Variants in SMPD3 observed in about 807,000 individuals in gnomAD.
SMPD3 encodes sphingomyelin phosphodiesterase 3.
Under a neutral mutation model 55.7 loss-of-function variants are expected in SMPD3, and 21 were observed. The ratio of observed to expected loss-of-function variants is 0.38; its 90% CI spans 0.27 to 0.54. The LOEUF (loss-of-function observed/expected upper bound fraction) is 0.54, where lower values mean the gene tolerates loss of function less well. Ranked by LOEUF, SMPD3 falls within the 20% of genes least tolerant of loss-of-function variation. The pLI, the probability that SMPD3 is intolerant of heterozygous loss-of-function variation, is 0.80. For missense variants in SMPD3, 842 were observed against 899.6 expected, an observed-to-expected ratio of 0.94 and a Z score of 0.82; for synonymous variants, 457 against 404.3, an observed-to-expected ratio of 1.13 and a Z score of -1.56.
At chr16:68,427,075 C>T (rs1300945820) in intron 1 of SMPD3, among the ~76,000 whole-genome samples, 1 of 148,808 alleles carries the variant, frequency 6.7e-6, no homozygotes, top group African/African-American at 2.5e-5. Flanking sequence ...CGGCTCACTG[C>T]AACCTCCACC....
At chr16:68,430,481 C>T (rs910634992) in intron 1 of SMPD3, among the ~76,000 whole-genome samples, 2 of 152,200 alleles carry the variant, frequency 1.3e-5, no homozygotes, top group African/African-American at 4.8e-5. Flanking sequence ...TATTTTGGGT[C>T]AAGTCCACAT....
intron 1 of SMPD3, among the ~76,000 whole-genome samples, chr16:68,405,180 G>T (rs1310957534): frequency 1.3e-5 from 2 of 152,106 alleles, no homozygotes; most frequent in African/African-American, 2.4e-5. Context: ...ACTCATGGCT[G>T]CTCTGTATCT....
intron 1 of SMPD3, among the ~76,000 whole-genome samples, chr16:68,415,946 C>T (rs564636090): frequency 1.9e-4 from 29 of 152,068 alleles, no homozygotes; most frequent in East Asian, 5.8e-4. Context: ...ATGTGTCCAA[C>T]GGCCTGATTT....
At chr16:68,396,813 A>G (rs117687853) in intron 1 of SMPD3, among the ~76,000 whole-genome samples, 3 of 152,350 alleles carry the variant, frequency 2.0e-5, no homozygotes, top group Non-Finnish European at 4.4e-5. Context: ...ACAAAAGAAA[A>G]CAAAACGAAA....
chr16:68,390,425 C>T (rs1362883980), intron 1 of SMPD3, among the ~76,000 whole-genome samples: 1 of 152,164 alleles, frequency 6.6e-6, no homozygotes, highest in African/African-American at 2.4e-5. Flanking sequence ...ACTTTGGAGG[C>T]TTAGGCAGGC....
intron 1 of SMPD3, among the ~76,000 whole-genome samples, chr16:68,428,157 C>T (rs115899052): frequency 2.6e-5 from 4 of 152,262 alleles, no homozygotes; most frequent in Admixed American, 1.3e-4. Flanking sequence ...ATCATGGAGA[C>T]AAACTCACTT....
intron 1 of SMPD3, among the ~76,000 whole-genome samples, chr16:68,440,220 C>T (rs1010017906): frequency 5.3e-5 from 8 of 152,082 alleles, no homozygotes; most frequent in Admixed American, 2.6e-4. Context: ...TTTTTTGAGA[C>T]GGTCTCATTC....
chr16:68,371,822 A>G lies in SMPD3; in HGVS notation c.360T>C (p.Pro120=), dbSNP rs745697031. The G allele has an allele frequency of 6.2e-6, 10 of 1,605,508 alleles. No individual in the cohort carries two copies. Among genetic ancestry groups the G allele is most frequent in the Non-Finnish European group, 8.5e-6 (10 of 1,176,728 alleles). Residue 120 remains proline (P), a synonymous_variant, in exon 3 of 9, where the codon CCT becomes CCC. Transcript: ENST00000219334. ...CAGTGGCAAAGCAGAAGCTTTTGCC[A>G]GGCCCCGTGCCCTTCCATTCACTGA... The part of the protein sequence containing the change: ...ALLSEWKGTG[P]GKSFCFATAN...
intron 1 of SMPD3, among the ~76,000 whole-genome samples, chr16:68,386,902 A>C (rs1319453395): frequency 6.6e-6 from 1 of 151,960 alleles, no homozygotes. Flanking sequence ...TTCAAGGAGG[A>C]GGGTTGCCAA....
At chr16:68,375,709 C>T (rs1221303319) in intron 2 of SMPD3, among the ~76,000 whole-genome samples, 2 of 152,226 alleles carry the variant, frequency 1.3e-5, no homozygotes, top group African/African-American at 4.8e-5. Flanking sequence ...CATGGCCCTG[C>T]CAGCAATGGT....
intron 1 of SMPD3, among the ~76,000 whole-genome samples, chr16:68,411,198 C>T: frequency 6.6e-6 from 1 of 152,254 alleles, no homozygotes; most frequent in South Asian, 2.1e-4. Flanking sequence ...GTGCCCTCCC[C>T]CAACCTCAGG....
chr16:68,399,138 A>G (rs1227168625), intron 1 of SMPD3, among the ~76,000 whole-genome samples: 1 of 152,178 alleles, frequency 6.6e-6, no homozygotes, highest in Non-Finnish European at 1.5e-5. Flanking sequence ...CTGGGTTCTC[A>G]GACTCTCATT....
chr16:68,427,324 T>C (rs186582888), intron 1 of SMPD3, among the ~76,000 whole-genome samples: 244 of 152,320 alleles, frequency 1.6e-3, no homozygotes, highest in Non-Finnish European at 2.8e-3. Flanking sequence ...CTATCTGATT[T>C]CAGAGATGAT....
At chr16:68,413,931 G>A (rs1460989581) in intron 1 of SMPD3, among the ~76,000 whole-genome samples, 5 of 152,192 alleles carry the variant, frequency 3.3e-5, no homozygotes, top group Admixed American at 1.3e-4. Context: ...TGGGTGGGTG[G>A]ACACTCAGAA....
At chr16:68,399,061 T>C (rs2090184411) in intron 1 of SMPD3, among the ~76,000 whole-genome samples, 1 of 152,242 alleles carries the variant, frequency 6.6e-6, no homozygotes, top group Non-Finnish European at 1.5e-5. Flanking sequence ...CCTGTAGTTG[T>C]TGGCTCTGAA....
At chr16:68,376,891 A>G (rs1252041937) in intron 2 of SMPD3, among the ~76,000 whole-genome samples, 1 of 152,162 alleles carries the variant, frequency 6.6e-6, no homozygotes, top group Non-Finnish European at 1.5e-5. Context: ...ACTAGTCAGG[A>G]CTTTCTACCT....
At chr16:68,395,067 T>A (rs1275215022) in intron 1 of SMPD3, among the ~76,000 whole-genome samples, 2 of 151,298 alleles carry the variant, frequency 1.3e-5, no homozygotes, top group African/African-American at 4.9e-5. Flanking sequence ...TATATATATA[T>A]CTTTCCTAAG....
Position 68,370,843 on chromosome 16 carries a change from G to C in SMPD3, c.1323+16C>G, listed in dbSNP as rs1205458282. The C allele has an allele frequency of 6.2e-7, 1 of 1,612,382 alleles. No homozygotes were observed. Among genetic ancestry groups the C allele is most frequent in the Non-Finnish European group, 8.5e-7 (1 of 1,179,274 alleles). The stretch of plus-strand genomic sequence containing the variant: ...CAGCTGGCACGTGGTCCTCAGGCTG[G>C]GCCGAGGTCTCCTACCTTGAGAAAC... On this transcript the variant is annotated intron_variant, in intron 3 of 8. Coordinates refer to ENST00000219334, the MANE Select transcript of SMPD3 (RefSeq NM_018667.4).
At chr16:68,423,424 A>T (rs1291444487) in intron 1 of SMPD3, among the ~76,000 whole-genome samples, 1 of 152,132 alleles carries the variant, frequency 6.6e-6, no homozygotes, top group African/African-American at 2.4e-5. Flanking sequence ...GGGATCCATG[A>T]TGGGGCTGGC....
Sources: allele counts gnomAD v4.1 joint callset (sites outside exome capture counted in the v4.1 genomes callset), GRCh38; gene constraint gnomAD v4.1.1; transcripts MANE v1.5; gene names NCBI Gene and HGNC (gene_info 2026-07-23, HGNC 2026-07-21).